The following SLC10A7 variants were observed in gnomAD, a reference collection of about 807,000 sequenced individuals.
SLC10A7 encodes solute carrier family 10 member 7.
In SLC10A7, 29 loss-of-function variants were observed where a neutral mutation model predicts 43.2. The observed-to-expected ratio is 0.67, with a 90% CI of 0.50 to 0.92. The LOEUF is 0.92. Ranked by LOEUF, SLC10A7 falls within the 40% of genes least tolerant of loss-of-function variation. SLC10A7 has a pLI of 0.00. For missense variants in SLC10A7, 295 were observed against 403.2 expected, an observed-to-expected ratio of 0.73 and a Z score of 2.30; for synonymous variants, 152 against 144.8, an observed-to-expected ratio of 1.05 and a Z score of -0.35.
intron 9 of SLC10A7, among the ~76,000 whole-genome samples, chr4:146,284,894 G>A (rs1729790550): frequency 1.3e-5 from 2 of 152,182 alleles, no homozygotes; most frequent in South Asian, 2.1e-4. Context: ...AAGAGGAGAG[G>A]AGAGAGAAAT....
At chr4:146,518,970 A>G (rs1259136488) in intron 1 of SLC10A7, among the ~76,000 whole-genome samples, 1 of 149,094 alleles carries the variant, frequency 6.7e-6, no homozygotes, top group Non-Finnish European at 1.5e-5. Flanking sequence ...CACTCACTTA[A>G]GCAAAACAAC....
intron 5 of SLC10A7, among the ~76,000 whole-genome samples, chr4:146,376,720 G>A (rs915938241): frequency 6.6e-6 from 1 of 151,884 alleles, no homozygotes; most frequent in Non-Finnish European, 1.5e-5. Flanking sequence ...CTTCAGCAAG[G>A]CCATTTTTAT....
At chr4:146,339,028 C>T (rs962628) in intron 5 of SLC10A7, among the ~76,000 whole-genome samples, 73,299 of 151,574 alleles carry the variant, frequency 0.48, 18,055 homozygotes, top group East Asian at 0.62. Flanking sequence ...TCAATGAGGA[C>T]AGAGAAAGGA....
At chr4:146,434,964 CA>C (rs1192384306) in intron 5 of SLC10A7, among the ~76,000 whole-genome samples, 1 of 151,988 alleles carries the variant, frequency 6.6e-6, no homozygotes, top group Non-Finnish European at 1.5e-5. Flanking sequence ...CTAGGAAAAA[CA>C]GCATTTAAAT....
intron 4 of SLC10A7, among the ~76,000 whole-genome samples, chr4:146,449,810 G>T (rs529008609): frequency 2.0e-5 from 3 of 152,134 alleles, no homozygotes; most frequent in East Asian, 1.9e-4. Context: ...TTTTAAAAAC[G>T]TAGGTTTGGC....
rs767462745 is a variant in SLC10A7 at position 146,301,589 on chromosome 4, G to T, written c.555+4337C>A. Among the ~76,000 whole-genome samples the T allele has an allele frequency of 1.2e-4, 18 of 152,194 alleles. 1 individual carries two copies. The highest frequency in any genetic ancestry group is 2.0e-4 in the Admixed American group (3 of 15,280). On this transcript the variant is annotated intron_variant, in intron 7 of 11. Transcript: ENST00000335472. ...CAGCAGAGAGACAGGTTTAGGAGGT[G>T]CAGTAATTTAGACAAGAGATGATGA...
intron 5 of SLC10A7, among the ~76,000 whole-genome samples, chr4:146,335,954 A>G (rs1361753709): frequency 6.6e-6 from 1 of 152,114 alleles, no homozygotes; most frequent in Admixed American, 6.6e-5. Flanking sequence ...TTCACCTGGA[A>G]GCTTGTGAGA....
chr4:146,482,601 G>C (rs1432004308), intron 4 of SLC10A7, among the ~76,000 whole-genome samples: 4 of 148,818 alleles, frequency 2.7e-5, no homozygotes, highest in African/African-American at 4.9e-5. Flanking sequence ...AAAGGCAAAA[G>C]AGTGAAGAAA....
rs1730541744 is a variant in SLC10A7, at chr4:146,292,943, G to T, written c.759C>A (p.Phe253Leu). The T allele has an allele frequency of 1.3e-6, 2 of 1,589,636 alleles. No homozygotes were observed. The highest frequency in any genetic ancestry group is 1.7e-6 in the Non-Finnish European group (2 of 1,162,978). ...SIQLSFMLLTFIFSTRNNSGF... is the reference protein window; with the variant it reads ...SIQLSFMLLTLIFSTRNNSGF... ...AAATCACTTACCTTGTTGAAAAGATGAAAGTTAAAAGCATAAAACTCAGCT... is the reference window on the plus strand; with the variant it reads ...AAATCACTTACCTTGTTGAAAAGATTAAAGTTAAAAGCATAAAACTCAGCT... Residue 253 changes from phenylalanine (F) to leucine (L), a missense_variant, in exon 9 of 12, where the codon TTC (phenylalanine) becomes TTA (leucine). This residue lies in a region of SLC10A7 where 242 missense variants were observed against 362.5 expected (regional missense o/e 0.67). Coordinates refer to ENST00000335472, the MANE Select transcript of SLC10A7 (RefSeq NM_001029998.6).
In SLC10A7 at chr4:146,297,776, T is replaced by G. The variant is rs185399336; in HGVS notation, c.556-3681A>C. 6.4e-3 allele frequency among the ~76,000 whole-genome samples: 979 copies of G among 152,280 alleles called. 42 individuals carry two copies. Among genetic ancestry groups the G allele is most frequent in the Admixed American group, 0.06 (921 of 15,288 alleles). ...TGTAACACTTTATTTTTATTAAATA[T>G]TGAGTAGATTCAAAATAAAACACTT... On this transcript the variant is annotated intron_variant, in intron 7 of 11. Transcript: ENST00000335472.
chr4:146,424,669 CA>C (rs148497613), intron 5 of SLC10A7, among the ~76,000 whole-genome samples: 19 of 139,362 alleles, frequency 1.4e-4, no homozygotes, highest in South Asian at 2.3e-4. Context: ...CAGAAAAAAA[CA>C]AAAAAAAAAC....
intron 5 of SLC10A7, among the ~76,000 whole-genome samples, chr4:146,333,747 C>A (rs1733693312): frequency 6.6e-6 from 1 of 151,858 alleles, no homozygotes; most frequent in Non-Finnish European, 1.5e-5. Context: ...GAGGAAGACA[C>A]TGGAAGAGTT....
chr4:146,513,407 AAAAC>A (rs1368229581), intron 2 of SLC10A7, among the ~76,000 whole-genome samples: 2 of 152,196 alleles, frequency 1.3e-5, no homozygotes, highest in African/African-American at 4.8e-5. Flanking sequence ...TTATGCATAT[AAAAC>A]ATATTTTTTA....
At chr4:146,278,024 C>A (rs1057486439) in intron 10 of SLC10A7, among the ~76,000 whole-genome samples, 2 of 151,956 alleles carry the variant, frequency 1.3e-5, no homozygotes, top group African/African-American at 4.8e-5. Context: ...CAAACCCATG[C>A]GAAGATCAAA....
chr4:146,397,167 A>G (rs1246824843), intron 5 of SLC10A7, among the ~76,000 whole-genome samples: 1 of 152,144 alleles, frequency 6.6e-6, no homozygotes, highest in Non-Finnish European at 1.5e-5. Context: ...CATATTTATG[A>G]TATTTACGAT....
chr4:146,464,911 C>T lies in SLC10A7; in HGVS notation c.397-22090G>A, dbSNP rs562981645. On this transcript the variant is annotated intron_variant, in intron 4 of 11. Transcript: ENST00000335472. ...TTTACCCACTTTTTAAAAAGTATTC[C>T]CTTAACTCACAATAGAAAAGATAAA... is the stretch of plus-strand genomic sequence containing the variant. Among the ~76,000 whole-genome samples, 6 of 152,072 alleles carry T rather than the reference C, an allele frequency of 3.9e-5. No homozygotes were observed. The East Asian group carries it at 1.2e-3, about 29-fold the overall frequency.
At chr4:146,461,892 GGA>G (rs1440716446) in intron 4 of SLC10A7, among the ~76,000 whole-genome samples, 2 of 148,798 alleles carry the variant, frequency 1.3e-5, no homozygotes. Context: ...AAAATAAACA[GGA>G]GAGAAAAATA....
At chr4:146,317,805 T>C (rs1185030913) in intron 6 of SLC10A7, among the ~76,000 whole-genome samples, 3 of 151,962 alleles carry the variant, frequency 2.0e-5, no homozygotes, top group Admixed American at 6.6e-5. Flanking sequence ...CCCCAGTTCT[T>C]AGGCCTTCAA....
In SLC10A7 at chr4:146,419,936, T is replaced by C. The variant is rs533793303; in HGVS notation, c.435+22847A>G. Among the ~76,000 whole-genome samples the C allele has an allele frequency of 7.2e-5, 11 of 152,316 alleles. No individual in the cohort carries two copies. The East Asian group carries it at 2.1e-3, about 29-fold the overall frequency. Reference sequence around the variant, plus strand: ...AAGTACTGTCAGAGGACTAAAATTATTTTTAATAAGACAATGAGCTTTTTA... The same window carrying C: ...AAGTACTGTCAGAGGACTAAAATTACTTTTAATAAGACAATGAGCTTTTTA... On this transcript the variant is annotated intron_variant, in intron 5 of 11. Coordinates refer to ENST00000335472, the MANE Select transcript of SLC10A7 (RefSeq NM_001029998.6).
Sources: gnomAD v4.1 joint callset for allele counts (sites outside exome capture counted in the v4.1 genomes callset) on GRCh38, gnomAD v4.1.1 for gene constraint, gnomAD v4.1.1 regional missense constraint, MANE v1.5 for transcripts, NCBI Gene and HGNC (gene_info 2026-07-23, HGNC 2026-07-21) for gene names.